PXDN: variants seen among roughly 807,000 people sequenced by gnomAD.
The protein encoded by PXDN is peroxidasin homolog.
Under a neutral mutation model 140.3 loss-of-function variants are expected in PXDN, and 77 were observed. That is an observed-to-expected ratio of 0.55 (90% CI 0.46 to 0.66). The LOEUF is 0.66. PXDN is among the 30% of genes least tolerant of loss of function. The probability of loss-of-function intolerance (pLI) is 0.00; values close to 1 mark genes in which losing one functional copy is unlikely to be tolerated. For synonymous variants in PXDN, 911 were observed against 857.4 expected (o/e 1.06, Z -1.09); for missense variants, 1,838 against 2,039.5 (o/e 0.90, Z 1.90).
At chr2:1,731,152 G>GCA (rs72079011) in intron 1 of PXDN, among the ~76,000 whole-genome samples, 26,489 of 135,774 alleles carry the variant, frequency 0.2, 2,612 homozygotes, top group Middle Eastern at 0.28. Context: ...GAGCGCGCGC[G>GCA]CACACACACA....
At chr2:1,743,576 G>GA (rs1396518065) in intron 1 of PXDN, among the ~76,000 whole-genome samples, 1 of 146,434 alleles carries the variant, frequency 6.8e-6, no homozygotes, top group African/African-American at 2.5e-5. Context: ...GGCGCGGGGG[G>GA]ATGGGGTGGG....
chr2:1,643,191 T>C (rs1682767168), intron 19 of PXDN, among the ~76,000 whole-genome samples, 177 bp downstream of exon 19: 1 of 152,230 alleles, frequency 6.6e-6, no homozygotes, highest in Non-Finnish European at 1.5e-5. Flanking sequence ...ACTTTGTTCA[T>C]ATTTTTGGCT....
intron 7 of PXDN, among the ~76,000 whole-genome samples, chr2:1,677,948 T>A (rs13019273): frequency 6.6e-6 from 1 of 151,992 alleles, no homozygotes; most frequent in South Asian, 2.1e-4. Flanking sequence ...GCAGCGGAGA[T>A]GGCTCTGCTC....
chr2:1,699,154 G>T (rs1002477842), intron 1 of PXDN, among the ~76,000 whole-genome samples: 1 of 152,168 alleles, frequency 6.6e-6, no homozygotes. Flanking sequence ...AAGGAAGCTT[G>T]GAGATCCAAG....
rs1682932617 is a variant in PXDN, at chr2:1,648,959, C to CGAT, written c.2818_2820dup (p.Ile940dup). ...AGCAGCGGCTTCCCGGACCGCTGCA[C>CGAT]GATGCCCTGCCGCAGCAGGCCGCGG... On this transcript the variant is annotated inframe_insertion, in exon 17 of 23. Coordinates refer to ENST00000252804, the MANE Select transcript of PXDN (RefSeq NM_012293.3). This position sits in a 1 kb window ranked among gnomAD's most constrained non-coding sequence, Gnocchi z 8.9. 1.2e-6 allele frequency: 2 copies of CGAT among 1,607,358 alleles called. No individual in the cohort carries two copies. The highest frequency in any genetic ancestry group is 2.7e-5 in the African/African-American group (2 of 74,874).
chr2:1,701,280 C>G (rs1684421874), intron 1 of PXDN, among the ~76,000 whole-genome samples: 1 of 152,206 alleles, frequency 6.6e-6, no homozygotes, highest in South Asian at 2.1e-4. Flanking sequence ...GTGAGTACAT[C>G]CATGCACTTG....
chr2:1,721,100 T>C (rs1685039768), intron 1 of PXDN, among the ~76,000 whole-genome samples: 1 of 152,186 alleles, frequency 6.6e-6, no homozygotes, highest in Non-Finnish European at 1.5e-5. Context: ...AATGTTACTG[T>C]CCTCTAAAAA....
intron 1 of PXDN, among the ~76,000 whole-genome samples, chr2:1,731,697 G>C (rs1685317788): frequency 6.6e-6 from 1 of 152,206 alleles, no homozygotes; most frequent in African/African-American, 2.4e-5. Context: ...ACAGAGCTCA[G>C]GCACAAAACA....
intron 3 of PXDN, among the ~76,000 whole-genome samples, chr2:1,690,439 C>T (rs1558510459): frequency 6.6e-6 from 1 of 152,116 alleles, no homozygotes; most frequent in Non-Finnish European, 1.5e-5. Context: ...TCCCCAACAA[C>T]TCCACTTTGA....
intron 1 of PXDN, among the ~76,000 whole-genome samples, chr2:1,743,642 G>T (rs1165143270): frequency 7.0e-6 from 1 of 143,210 alleles, no homozygotes; most frequent in East Asian, 2.2e-4. Context: ...GGGAGGAGAA[G>T]GAAGGGGGGG....
chr2:1,692,380 T>C, intron 2 of PXDN: 1 of 404,138 alleles, frequency 2.5e-6, no homozygotes, highest in South Asian at 1.9e-5. Flanking sequence ...TGGACAGACG[T>C]GCCAGGAAAG....
chr2:1,742,207 A>G (rs976962629), intron 1 of PXDN, among the ~76,000 whole-genome samples: 1 of 152,164 alleles, frequency 6.6e-6, no homozygotes, highest in African/African-American at 2.4e-5. Flanking sequence ...TTCTGTTTCC[A>G]CCGCCAGAAA....
Position 1,649,508 on chromosome 2 carries a change from C to T in PXDN, c.2272G>A (p.Ala758Thr), listed in dbSNP as rs770752272. 7.4e-6 allele frequency: 12 copies of T among 1,613,862 alleles called. No homozygotes were observed. Among genetic ancestry groups the T allele is most frequent in the Non-Finnish European group, 1.0e-5 (12 of 1,179,876 alleles). ...CNNLQHPMWG[A>T]SLTAFERLLK... is the part of the protein sequence containing the mutation. ...AGGCGCTCGAAGGCGGTCAGCGAGG[C>T]GCCCCACATGGGGTGCTGCAGGTTG... Residue 758 changes from alanine to threonine, a missense_variant, in exon 17 of 23, where the codon GCC (alanine) becomes ACC (threonine). Ala to Thr is a moderately conservative substitution (Grantham distance 58, BLOSUM62 0). This residue lies in a region of PXDN where 537 missense variants were observed against 583.9 expected (regional missense o/e 0.92). Transcript: ENST00000252804. This position sits in a 1 kb window ranked among gnomAD's most constrained non-coding sequence, Gnocchi z 7.1.
chr2:1,699,805 C>A (rs566645933), intron 1 of PXDN, among the ~76,000 whole-genome samples: 1 of 152,104 alleles, frequency 6.6e-6, no homozygotes, highest in Admixed American at 6.6e-5. Context: ...GGTTCGAGAA[C>A]GAAAATTATC....
At chr2:1,673,521 C>T in intron 9 of PXDN, 122 bp downstream of exon 9, 6 of 1,328,154 alleles carry the variant, frequency 4.5e-6, no homozygotes, top group South Asian at 1.4e-5. Flanking sequence ...AACCCTGGTA[C>T]TGGAGCTTCA....
In PXDN at chr2:1,634,147, C is replaced by G; in HGVS notation, c.*57G>C. On this transcript the variant is annotated 3_prime_UTR_variant, in exon 23 of 23. Coordinates refer to ENST00000252804, the MANE Select transcript of PXDN (RefSeq NM_012293.3). ...TCTGCAGTCCGCAGCTCCCTGCCAT[C>G]GGCCACCCGATCTCACGATGGCACA... is the stretch of plus-strand genomic sequence containing the variant. 1 of 1,542,812 alleles carries G rather than the reference C, an allele frequency of 6.5e-7. No individual in the cohort carries two copies. Among genetic ancestry groups the G allele is most frequent in the Non-Finnish European group, 8.8e-7 (1 of 1,140,686 alleles).
At chr2:1,679,315 T>C (rs532647652) in intron 7 of PXDN, among the ~76,000 whole-genome samples, 1 of 150,422 alleles carries the variant, frequency 6.6e-6, no homozygotes, top group Non-Finnish European at 1.5e-5. Context: ...TCTGTGTGTC[T>C]ATAAATGGTT....
chr2:1,709,284 G>GGC (rs1162755164), intron 1 of PXDN, among the ~76,000 whole-genome samples: 1 of 152,194 alleles, frequency 6.6e-6, no homozygotes, highest in Non-Finnish European at 1.5e-5. Context: ...TGCAGTGAAA[G>GGC]GCTCAGGAGG....
rs376527524 is a variant in PXDN, at chr2:1,649,213, G to A, written c.2567C>T (p.Pro856Leu). 5 of 1,606,812 alleles carry A rather than the reference G, an allele frequency of 3.1e-6. No individual in the cohort carries two copies. Among genetic ancestry groups the A allele is most frequent in the Admixed American group, 1.7e-5 (1 of 59,742 alleles). The change falls in exon 17 of 23, where the codon CCC becomes CTC. Residue 856 changes from proline to leucine, a missense_variant. Pro to Leu is a moderately conservative substitution (Grantham distance 98, BLOSUM62 -3). Coordinates refer to ENST00000252804, the MANE Select transcript of PXDN (RefSeq NM_012293.3). The surrounding 1 kb of genome is among the most constrained non-coding windows in gnomAD (Gnocchi z 7.1). ...GGGGGGGATCATGACAGAGAAGCAG[G>A]GGGGGTCGTTGCTGCACACGTTGCT... The part of the protein sequence containing the change: ...HCSNVCSNDP[P>L]CFSVMIPPND...
Sources: allele counts gnomAD v4.1 joint callset (sites outside exome capture counted in the v4.1 genomes callset), GRCh38; gene constraint gnomAD v4.1.1; regional missense constraint gnomAD v4.1.1; non-coding constraint Gnocchi (gnomAD v3.1); transcripts MANE v1.5; gene names NCBI Gene and HGNC (gene_info 2026-07-23, HGNC 2026-07-21).